The following TAFA2 variants were observed in gnomAD, a reference collection of about 807,000 sequenced individuals.
TAFA2 encodes the protein chemokine-like protein TAFA-2.
In TAFA2, 7 loss-of-function variants were observed where a neutral mutation model predicts 18.8. That is an observed-to-expected ratio of 0.37 (90% CI 0.21 to 0.70). The LOEUF is 0.70. Ranked by LOEUF, TAFA2 falls within the 30% of genes least tolerant of loss-of-function variation. TAFA2 has a pLI of 0.53. For missense variants in TAFA2, 122 were observed against 158.1 expected, an observed-to-expected ratio of 0.77 and a Z score of 1.23; for synonymous variants, 60 against 54.2, an observed-to-expected ratio of 1.11 and a Z score of -0.47.
intron 2 of TAFA2, among the ~76,000 whole-genome samples, chr12:61,789,519 C>G (rs369032942): frequency 6.6e-6 from 1 of 151,732 alleles, no homozygotes; most frequent in East Asian, 1.9e-4. Context: ...GGGAGGGGAA[C>G]ATCACACACT....
At chr12:62,115,682 G>A (rs953184960) in intron 1 of TAFA2, among the ~76,000 whole-genome samples, 7 of 152,144 alleles carry the variant, frequency 4.6e-5, no homozygotes, top group African/African-American at 1.7e-4. Flanking sequence ...GGTTGTGTCT[G>A]GTTTGTACCA....
At chr12:61,737,768 A>T (rs1868328202) in intron 4 of TAFA2, among the ~76,000 whole-genome samples, 1 of 151,798 alleles carries the variant, frequency 6.6e-6, no homozygotes, top group African/African-American at 2.4e-5. Flanking sequence ...GCTTAAAATT[A>T]TCATTATTCT....
chr12:61,838,620 C>T (rs143831146), intron 2 of TAFA2, among the ~76,000 whole-genome samples: 266 of 152,050 alleles, frequency 1.7e-3, no homozygotes, highest in African/African-American at 6.1e-3. Context: ...TTTTCATATT[C>T]ATCCTACTGA....
chr12:62,152,565 A>C (rs1209481801), intron 1 of TAFA2, among the ~76,000 whole-genome samples: 1 of 152,210 alleles, frequency 6.6e-6, no homozygotes, highest in African/African-American at 2.4e-5. Context: ...TCTCTTTTGC[A>C]TGATAATTTA....
At chr12:62,100,824 A>G (rs2136849039) in intron 1 of TAFA2, among the ~76,000 whole-genome samples, 1 of 152,282 alleles carries the variant, frequency 6.6e-6, no homozygotes, top group African/African-American at 2.4e-5. Flanking sequence ...ACTCCTTGCA[A>G]ATGTACAATG....
intron 1 of TAFA2, among the ~76,000 whole-genome samples, chr12:62,157,787 C>T (rs1398448659): frequency 3.3e-5 from 5 of 152,172 alleles, no homozygotes; most frequent in Non-Finnish European, 7.4e-5. Context: ...GCTTTTATCT[C>T]TTCATACAAT....
chr12:61,751,014 C>A (rs1193749094), intron 4 of TAFA2, among the ~76,000 whole-genome samples: 1 of 151,994 alleles, frequency 6.6e-6, no homozygotes, highest in Non-Finnish European at 1.5e-5. Context: ...GACAGTAATA[C>A]CAATGATTAA....
At chr12:62,082,575 A>T (rs865915338) in intron 1 of TAFA2, among the ~76,000 whole-genome samples, 13 of 152,212 alleles carry the variant, frequency 8.5e-5, no homozygotes, top group Non-Finnish European at 1.6e-4. Context: ...GACACACATG[A>T]CACAGCCCTG....
chr12:62,191,016 C>G (rs1230707701), intron 1 of TAFA2, among the ~76,000 whole-genome samples: 1 of 152,116 alleles, frequency 6.6e-6, no homozygotes, highest in Non-Finnish European at 1.5e-5. Flanking sequence ...TCGCATGCTC[C>G]GATCCCCTCT....
At chr12:61,958,101 C>G (rs1878759532) in intron 1 of TAFA2, among the ~76,000 whole-genome samples, 1 of 152,064 alleles carries the variant, frequency 6.6e-6, no homozygotes, top group Non-Finnish European at 1.5e-5. Flanking sequence ...TAAATGTGAA[C>G]AGAAATATTG....
intron 1 of TAFA2, among the ~76,000 whole-genome samples, chr12:61,891,866 T>C (rs1875651055): frequency 6.6e-6 from 1 of 152,052 alleles, no homozygotes; most frequent in Non-Finnish European, 1.5e-5. Flanking sequence ...AGAACTGGGA[T>C]TTATTCAAAG....
Sources: gnomAD v4.1 joint callset for allele counts (sites outside exome capture counted in the v4.1 genomes callset) on GRCh38, gnomAD v4.1.1 for gene constraint, MANE v1.5 for transcripts, NCBI Gene and HGNC (gene_info 2026-07-23, HGNC 2026-07-21) for gene names.